The following SEMA3E variants were observed in gnomAD, a reference collection of about 807,000 sequenced individuals.
The protein encoded by SEMA3E is semaphorin-3E.
Under a neutral mutation model 93.6 loss-of-function variants are expected in SEMA3E, and 49 were observed. That is an observed-to-expected ratio of 0.52 (90% confidence interval 0.42 to 0.66). The LOEUF is 0.66. Ranked by LOEUF, SEMA3E falls within the 30% of genes least tolerant of loss-of-function variation. The pLI, the probability that SEMA3E is intolerant of heterozygous loss-of-function variation, is 0.00. For missense variants in SEMA3E, 906 were observed against 964.8 expected (o/e 0.94, Z 0.81); for synonymous variants, 363 against 330.7 (o/e 1.10, Z -1.06).
chr7:83,524,833 C>T (rs549386163), intron 1 of SEMA3E, among the ~76,000 whole-genome samples: 1 of 151,894 alleles, frequency 6.6e-6, no homozygotes, highest in Non-Finnish European at 1.5e-5. Flanking sequence ...AGTTTCATCA[C>T]CTTAAAGAAA....
chr7:83,374,040 C>G (rs138918184), intron 16 of SEMA3E, among the ~76,000 whole-genome samples: 1 of 151,752 alleles, frequency 6.6e-6, no homozygotes, highest in African/African-American at 2.4e-5. Flanking sequence ...AACCCCATCT[C>G]TACTAAAAAT....
At position 83,610,636 on chromosome 7, in the gene SEMA3E, T is replaced by G. The variant is rs370282827; in HGVS notation, c.115+37792A>C. Among the ~76,000 whole-genome samples, 12 of 152,180 alleles carry G rather than the reference T, an allele frequency of 7.9e-5. 1 individual carries two copies. Among genetic ancestry groups the G allele is most frequent in the Admixed American group, 6.6e-5 (1 of 15,246 alleles). Reference sequence around the variant, plus strand: ...TAATATTAATATAAAACCCATATGTTGAAGTCCTAAAGCCCAATACCTCAG... The same window carrying G: ...TAATATTAATATAAAACCCATATGTGGAAGTCCTAAAGCCCAATACCTCAG... On this transcript the variant is annotated intron_variant, in intron 1 of 16. Transcript: ENST00000643230.
intron 1 of SEMA3E, among the ~76,000 whole-genome samples, chr7:83,568,007 A>C (rs549156875): frequency 6.6e-6 from 1 of 152,014 alleles, no homozygotes. Context: ...TAATCAAGAA[A>C]AAAAAACTCC....
intron 1 of SEMA3E, among the ~76,000 whole-genome samples, chr7:83,598,014 T>C (rs986560188): frequency 6.6e-6 from 1 of 152,180 alleles, no homozygotes; most frequent in Non-Finnish European, 1.5e-5. Context: ...AAGAGAAATA[T>C]TTCGAAGGCA....
intron 2 of SEMA3E, among the ~76,000 whole-genome samples, chr7:83,470,984 A>G (rs62476979): frequency 0.11 from 16,600 of 151,512 alleles, 1,027 homozygotes; most frequent in Non-Finnish European, 0.14. Context: ...CATTTTCTAC[A>G]TAGTTACAAT....
At chr7:83,583,097 T>C (rs1032543007) in intron 1 of SEMA3E, among the ~76,000 whole-genome samples, 2 of 152,140 alleles carry the variant, frequency 1.3e-5, no homozygotes, top group African/African-American at 4.8e-5. Flanking sequence ...TCTCTGCCCA[T>C]TTATTAGTGA....
chr7:83,632,603 A>G (rs1186249556), intron 1 of SEMA3E, among the ~76,000 whole-genome samples: 2 of 152,140 alleles, frequency 1.3e-5, no homozygotes, highest in African/African-American at 4.8e-5. Context: ...GGCTTCCCCA[A>G]CCATGTGGAA....
rs192398923 is a variant in SEMA3E, at chr7:83,519,643, G to A, written c.116-29369C>T. On this transcript the variant is annotated intron_variant, in intron 1 of 16. Transcript: ENST00000643230. The stretch of plus-strand genomic sequence containing the variant: ...CTGCTGCTATGAGTATCATAGCTCC[G>A]GGATGTATCTCCTATTATAGCATTT... Among the ~76,000 whole-genome samples, 12 of 152,046 alleles carry A rather than the reference G, an allele frequency of 7.9e-5. No individual in the cohort carries two copies. In the East Asian group the frequency reaches 1.6e-3, roughly 20 times the overall value.
intron 1 of SEMA3E, among the ~76,000 whole-genome samples, chr7:83,544,443 A>G (rs1791603204): frequency 6.6e-6 from 1 of 152,076 alleles, no homozygotes; most frequent in Non-Finnish European, 1.5e-5. Flanking sequence ...GCCTAGAGAG[A>G]TCCAACTGGG....
chr7:83,614,632 A>G (rs1458508735), intron 1 of SEMA3E, among the ~76,000 whole-genome samples: 1 of 151,896 alleles, frequency 6.6e-6, no homozygotes, highest in Admixed American at 6.6e-5. Context: ...TATCCAAAGT[A>G]GGTGTTCAAA....
intron 8 of SEMA3E, 137 bp from the exon 9 acceptor site, chr7:83,405,656 T>C (rs960422554): frequency 6.2e-6 from 5 of 802,918 alleles, no homozygotes; most frequent in African/African-American, 5.1e-5. Flanking sequence ...CATACAACCA[T>C]GACCAAGTCA....
intron 4 of SEMA3E, among the ~76,000 whole-genome samples, chr7:83,460,813 C>A (rs1209862077): frequency 6.6e-6 from 1 of 150,478 alleles, no homozygotes; most frequent in African/African-American, 2.4e-5. Context: ...GACCTCTTAT[C>A]TCTGTGCCCC....
At chr7:83,604,942 C>G (rs911313897) in intron 1 of SEMA3E, among the ~76,000 whole-genome samples, 1 of 152,060 alleles carries the variant, frequency 6.6e-6, no homozygotes, top group African/African-American at 2.4e-5. Context: ...GTTTCATCCA[C>G]GTCCCTGAAA....
chr7:83,393,415 C>T (rs961946887), intron 13 of SEMA3E, among the ~76,000 whole-genome samples: 1 of 152,098 alleles, frequency 6.6e-6, no homozygotes, highest in Non-Finnish European at 1.5e-5. Flanking sequence ...GTGGTCTCAG[C>T]TACTCACGAG....
At chr7:83,640,164 G>C (rs1793976448) in intron 1 of SEMA3E, among the ~76,000 whole-genome samples, 1 of 152,034 alleles carries the variant, frequency 6.6e-6, no homozygotes, top group African/African-American at 2.4e-5. Flanking sequence ...TTTCTTTGCT[G>C]CTGTTCTTTT....
At chr7:83,545,967 G>A (rs1041579348) in intron 1 of SEMA3E, among the ~76,000 whole-genome samples, 3 of 145,766 alleles carry the variant, frequency 2.1e-5, no homozygotes, top group African/African-American at 7.5e-5. Context: ...TTAGAAATGG[G>A]AGCCATAATT....
chr7:83,378,469 C>T (rs572251542), intron 16 of SEMA3E, among the ~76,000 whole-genome samples: 1 of 151,978 alleles, frequency 6.6e-6, no homozygotes, highest in South Asian at 2.1e-4. Flanking sequence ...TATTTCTACT[C>T]TTGTCTACCT....
At chr7:83,643,445 T>C (rs1275712899) in intron 1 of SEMA3E, among the ~76,000 whole-genome samples, 1 of 151,998 alleles carries the variant, frequency 6.6e-6, no homozygotes, top group African/African-American at 2.4e-5. Flanking sequence ...ATTCACTGTT[T>C]ATATATGAAC....
intron 12 of SEMA3E, among the ~76,000 whole-genome samples, chr7:83,396,087 A>G (rs1444482248): frequency 3.5e-5 from 1 of 28,462 alleles, no homozygotes; most frequent in Non-Finnish European, 8.7e-4. Flanking sequence ...GCATATGTGC[A>G]TTTATATATA....
Sources: gnomAD v4.1 joint callset for allele counts (sites outside exome capture counted in the v4.1 genomes callset) on GRCh38, gnomAD v4.1.1 for gene constraint, MANE v1.5 for transcripts, NCBI Gene and HGNC (gene_info 2026-07-23, HGNC 2026-07-21) for gene names.